Variants in KIAA1217 observed in about 807,000 individuals in gnomAD.
KIAA1217 encodes the protein sickle tail protein homolog.
A neutral mutation model predicts 163.9 loss-of-function variants in KIAA1217; 88 were observed. The observed-to-expected ratio is 0.54, with a 90% CI of 0.45 to 0.64. The LOEUF (loss-of-function observed/expected upper bound fraction) is 0.64, where lower values mean the gene tolerates loss of function less well. Among genes scored for constraint, KIAA1217 ranks in the 30% least tolerant of loss-of-function variants. The pLI, the probability that KIAA1217 is intolerant of heterozygous loss-of-function variation, is 0.00. For missense variants in KIAA1217, 2,372 were observed against 2,475.0 expected (o/e 0.96, Z 0.88); for synonymous variants, 903 against 923.1 (o/e 0.98, Z 0.39).
At chr10:23,905,577 A>C (rs1274002014) in intron 1 of KIAA1217, among the ~76,000 whole-genome samples, 1 of 152,080 alleles carries the variant, frequency 6.6e-6, no homozygotes, top group Non-Finnish European at 1.5e-5. Flanking sequence ...GTTGCGCTAC[A>C]TTGCCTCTGA....
intron 2 of KIAA1217, among the ~76,000 whole-genome samples, chr10:24,284,881 T>C (rs948064951): frequency 1.3e-5 from 2 of 152,244 alleles, no homozygotes; most frequent in African/African-American, 4.8e-5. Context: ...TTCCCTTTTT[T>C]CCACAGCTTC....
intron 16 of KIAA1217, among the ~76,000 whole-genome samples, chr10:24,534,502 G>A (rs1297129010): frequency 1.3e-5 from 2 of 152,128 alleles, no homozygotes; most frequent in South Asian, 2.1e-4. Flanking sequence ...CTTCTCCATT[G>A]AAGTCTAAAT....
At chr10:24,478,315 A>G (rs1748606321) in intron 6 of KIAA1217, among the ~76,000 whole-genome samples, 1 of 152,218 alleles carries the variant, frequency 6.6e-6, no homozygotes, top group Non-Finnish European at 1.5e-5. Flanking sequence ...AGACTAAGTA[A>G]TTGAGTCTTC....
At position 24,112,574 on chromosome 10, in the gene KIAA1217, C is replaced by CT. The variant is rs1482757984; in HGVS notation, c.-171+105208dup. ...GGCCCTAACTCCAATGACTAGTGCTCTTTTTTTTATTTTATTTTATTTTTT... is the reference window on the plus strand; with the variant it reads ...GGCCCTAACTCCAATGACTAGTGCTCTTTTTTTTTATTTTATTTTATTTTTT... On this transcript the variant is annotated intron_variant, in intron 2 of 18. Coordinates refer to the KIAA1217 transcript ENST00000376462. 3.3e-5 allele frequency among the ~76,000 whole-genome samples: 5 copies of CT among 151,840 alleles called. No individual in the cohort carries two copies. The South Asian group carries it at 8.4e-4, about 25-fold the overall frequency.
At chr10:23,707,208 G>C (rs1055245085) in intron 1 of KIAA1217, among the ~76,000 whole-genome samples, 6 of 152,162 alleles carry the variant, frequency 3.9e-5, no homozygotes, top group Non-Finnish European at 5.9e-5. Context: ...TCCTGGTGCT[G>C]TGAGAGCATA....
intron 1 of KIAA1217, among the ~76,000 whole-genome samples, chr10:23,804,027 T>A (rs190424730): frequency 1.1e-4 from 16 of 152,368 alleles, no homozygotes; most frequent in Non-Finnish European, 1.5e-5. Flanking sequence ...ATATTTTATA[T>A]ACATCATCAT....
In KIAA1217 at chr10:24,209,138, A is replaced by G. The variant is rs989312312; in HGVS notation, c.-56A>G. The G allele has an allele frequency of 1.5e-5, 23 of 1,543,560 alleles. No individual in the cohort carries two copies. In the African/African-American group the frequency reaches 2.9e-4, roughly 19 times the overall value. ...TCCCAGGCGCTTTCTGGGAGCTTTT[A>G]GAACTGCGCTCTGAAGTTTCCAGAG... is the stretch of plus-strand genomic sequence containing the variant. On this transcript the variant is annotated 5_prime_UTR_variant, in exon 1 of 21. Transcript: ENST00000376454.
intron 2 of KIAA1217, among the ~76,000 whole-genome samples, chr10:24,361,907 G>A (rs747846114): frequency 3.3e-5 from 5 of 150,218 alleles, no homozygotes; most frequent in East Asian, 3.9e-4. Context: ...CCAGGGAGGC[G>A]GAGCTTGCAG....
At chr10:23,994,377 GTC>G (rs1322167513) in intron 1 of KIAA1217, among the ~76,000 whole-genome samples, 1 of 152,140 alleles carries the variant, frequency 6.6e-6, no homozygotes, top group Non-Finnish European at 1.5e-5. Context: ...CTGATTTTAG[GTC>G]TCAGGACAGT....
chr10:24,114,592 TC>T (rs2062980054), intron 2 of KIAA1217, among the ~76,000 whole-genome samples: 1 of 152,162 alleles, frequency 6.6e-6, no homozygotes, highest in Non-Finnish European at 1.5e-5. Flanking sequence ...GAAGACAAGG[TC>T]CCTGCCCTTT....
At chr10:24,491,230 A>G (rs1277877102) in intron 6 of KIAA1217, among the ~76,000 whole-genome samples, 1 of 147,968 alleles carries the variant, frequency 6.8e-6, no homozygotes, top group African/African-American at 2.5e-5. Context: ...TCAGTAGAGG[A>G]GCAGCAATGT....
intron 1 of KIAA1217, among the ~76,000 whole-genome samples, chr10:23,873,844 G>A (rs1840570455): frequency 6.6e-6 from 1 of 151,960 alleles, no homozygotes; most frequent in African/African-American, 2.4e-5. Flanking sequence ...TACACATGTA[G>A]CACGACAGTA....
intron 1 of KIAA1217, among the ~76,000 whole-genome samples, chr10:23,766,047 T>C (rs1171911194): frequency 3.3e-5 from 5 of 152,242 alleles, no homozygotes; most frequent in Admixed American, 3.3e-4. Context: ...CTGTGGCTAA[T>C]ACTAATAACA....
chr10:24,150,003 C>T (rs1408826648), intron 2 of KIAA1217, among the ~76,000 whole-genome samples: 1 of 152,008 alleles, frequency 6.6e-6, no homozygotes, highest in Non-Finnish European at 1.5e-5. Flanking sequence ...AAGAGATATT[C>T]TGTATTTTTC....
chr10:24,169,807 T>A (rs1266111094), intron 2 of KIAA1217, among the ~76,000 whole-genome samples: 1 of 152,160 alleles, frequency 6.6e-6, no homozygotes, highest in Non-Finnish European at 1.5e-5. Context: ...GCAACCCATA[T>A]AAAGTGCCTC....
At chr10:24,012,535 T>G (rs1847280369) in intron 2 of KIAA1217, among the ~76,000 whole-genome samples, 2 of 152,280 alleles carry the variant, frequency 1.3e-5, no homozygotes, top group South Asian at 4.1e-4. Context: ...GGGTGTCTGA[T>G]TATAAGATAG....
At chr10:23,854,591 T>C (rs1839546241) in intron 1 of KIAA1217, among the ~76,000 whole-genome samples, 1 of 152,216 alleles carries the variant, frequency 6.6e-6, no homozygotes, top group Non-Finnish European at 1.5e-5. Flanking sequence ...GTCTCGTTGA[T>C]CTGTCTAATT....
At chr10:24,208,613 T>TC (rs1441686213), upstream of KIAA1217, among the ~76,000 whole-genome samples, 81 of 151,546 alleles carry the variant, frequency 5.3e-4, 1 homozygote, top group Admixed American at 8.5e-4. Flanking sequence ...GTTTGGGATT[T>TC]TTTTTTAAGG....
chr10:23,746,242 C>G (rs1283446791), intron 1 of KIAA1217, among the ~76,000 whole-genome samples: 1 of 152,182 alleles, frequency 6.6e-6, no homozygotes, highest in African/African-American at 2.4e-5. Flanking sequence ...CTTGCCTCCT[C>G]TTTCACCATG....
Sources: allele counts gnomAD v4.1 joint callset (sites outside exome capture counted in the v4.1 genomes callset), GRCh38; gene constraint gnomAD v4.1.1; transcripts MANE v1.5; gene names NCBI Gene and HGNC (gene_info 2026-07-23, HGNC 2026-07-21).